ADGRG6: variants seen among roughly 807,000 people sequenced by gnomAD.
ADGRG6 encodes the protein G-protein coupled receptor 126.
In ADGRG6, 84 loss-of-function variants were observed where a neutral mutation model predicts 142.4. The ratio of observed to expected loss-of-function variants is 0.59; its 90% CI spans 0.49 to 0.71. ADGRG6 has a LOEUF of 0.71. Among genes scored for constraint, ADGRG6 ranks in the 30% least tolerant of loss-of-function variants. The pLI, the probability that ADGRG6 is intolerant of heterozygous loss-of-function variation, is 0.00. For missense variants in ADGRG6, 1,367 were observed against 1,466.6 expected (o/e 0.93, Z 1.11); for synonymous variants, 521 against 520.5 (o/e 1.00, Z -0.01).
At chr6:142,343,530 G>A (rs1204920234) in intron 2 of ADGRG6, among the ~76,000 whole-genome samples, 2 of 151,660 alleles carry the variant, frequency 1.3e-5, no homozygotes, top group Non-Finnish European at 3.0e-5. Flanking sequence ...ACAGTATTTA[G>A]AGATACATCT....
chr6:142,392,239 G>A (rs1774932071), intron 7 of ADGRG6, among the ~76,000 whole-genome samples: 1 of 151,820 alleles, frequency 6.6e-6, no homozygotes, highest in African/African-American at 2.4e-5. Context: ...TATGTAAATA[G>A]GAGTCTCTCA....
intron 10 of ADGRG6, among the ~76,000 whole-genome samples, chr6:142,399,078 A>C (rs373746881): frequency 9.7e-4 from 148 of 152,322 alleles, no homozygotes; most frequent in African/African-American, 3.5e-3. Flanking sequence ...AATTGTTTTA[A>C]TGTTATTCTA....
rs2115054178 is a variant in ADGRG6, at chr6:142,411,385, C to T, written c.2515C>T (p.His839Tyr). ...AAGTGAGACAGTCTGCCTGTGTAAC[C>T]ACTTCACACACTTTGGAGTTCTGAT... ...DASETVCLCN[H>Y]FTHFGVLMDL... The change falls in exon 18 of 25, where the codon CAC becomes TAC. Residue 839 changes from histidine to tyrosine, a missense_variant. Physicochemically the swap from His to Tyr is moderately conservative, Grantham distance 83. Coordinates refer to ENST00000367609, the MANE Select transcript of ADGRG6 (RefSeq NM_198569.3). 1 of 1,590,910 alleles carries T rather than the reference C, an allele frequency of 6.3e-7. No homozygotes were observed. The highest frequency in any genetic ancestry group is 2.2e-5 in the East Asian group (1 of 44,766).
intron 13 of ADGRG6, 46 bp from the exon 14 acceptor site, chr6:142,403,756 A>G: frequency 5.8e-6 from 7 of 1,217,164 alleles, no homozygotes; most frequent in Non-Finnish European, 6.9e-6. Context: ...TTAAGAATCT[A>G]AAATATCATA....
At chr6:142,409,044 G>T (rs1775955693) in intron 16 of ADGRG6, among the ~76,000 whole-genome samples, 2 of 152,086 alleles carry the variant, frequency 1.3e-5, no homozygotes, top group Non-Finnish European at 2.9e-5. Context: ...TAATATAAAT[G>T]TATCATCTTA....
intron 2 of ADGRG6, among the ~76,000 whole-genome samples, chr6:142,330,488 A>G (rs1361257612): frequency 6.6e-6 from 1 of 152,206 alleles, no homozygotes; most frequent in African/African-American, 2.4e-5. Flanking sequence ...CATGAAAACC[A>G]TATTAAGGAA....
At position 142,419,934 on chromosome 6, in the gene ADGRG6, GGAATGGCAA is replaced by G; in HGVS notation, c.3152_3160del (p.Asn1051_Lys1053del). 6.2e-7 allele frequency: 1 copy of G among 1,613,392 alleles called. No individual in the cohort carries two copies. Among genetic ancestry groups the G allele is most frequent in the Non-Finnish European group, 8.5e-7 (1 of 1,179,566 alleles). On this transcript the variant is annotated inframe_deletion, in exon 22 of 25. Coordinates refer to ENST00000367609, the MANE Select transcript of ADGRG6 (RefSeq NM_198569.3). ...GTGGTAATGGTGCAGATCTGTGGGAGGAATGGCAAGAGAAGCAACCGGACCCTGAGAGAA... is the reference window on the plus strand; with the variant it reads ...GTGGTAATGGTGCAGATCTGTGGGAGGAGAAGCAACCGGACCCTGAGAGAA...
chr6:142,431,927 C>T (rs962533156), intron 22 of ADGRG6, among the ~76,000 whole-genome samples: 2 of 151,864 alleles, frequency 1.3e-5, no homozygotes, highest in Non-Finnish European at 2.9e-5. Context: ...CATCTCGAAA[C>T]AAAAGAAAGA....
At chr6:142,307,817 A>T (rs774878488) in intron 1 of ADGRG6, among the ~76,000 whole-genome samples, 1 of 152,064 alleles carries the variant, frequency 6.6e-6, no homozygotes, top group African/African-American at 2.4e-5. Context: ...ATACTCTTCA[A>T]ATCTTAACCT....
chr6:142,408,725 T>C (rs1293494122), intron 16 of ADGRG6, among the ~76,000 whole-genome samples: 2 of 152,168 alleles, frequency 1.3e-5, no homozygotes, highest in Non-Finnish European at 2.9e-5. Context: ...ATGTTGCTTT[T>C]CTTGTTGCTT....
intron 4 of ADGRG6, among the ~76,000 whole-genome samples, chr6:142,379,273 G>A (rs1045501780): frequency 2.6e-5 from 4 of 152,094 alleles, no homozygotes; most frequent in African/African-American, 4.8e-5. Flanking sequence ...GTTGCTAAAT[G>A]TTATGCATTC....
At chr6:142,354,476 T>G (rs1343776785) in intron 2 of ADGRG6, among the ~76,000 whole-genome samples, 2 of 152,230 alleles carry the variant, frequency 1.3e-5, no homozygotes, top group Non-Finnish European at 2.9e-5. Context: ...AAGTCTTCTA[T>G]GAAATCATTT....
chr6:142,307,311 G>C (rs1203526380), intron 1 of ADGRG6, among the ~76,000 whole-genome samples: 1 of 152,034 alleles, frequency 6.6e-6, no homozygotes, highest in African/African-American at 2.4e-5. Flanking sequence ...GGTTTGATTG[G>C]TCTGTCTCTT....
intron 22 of ADGRG6, among the ~76,000 whole-genome samples, chr6:142,421,013 G>C (rs1249022874): frequency 1.3e-5 from 2 of 152,110 alleles, no homozygotes; most frequent in Non-Finnish European, 2.9e-5. Context: ...GATGTCTGGG[G>C]AAGAAATTGC....
chr6:142,371,721 G>A (rs532621524), intron 4 of ADGRG6, among the ~76,000 whole-genome samples: 22 of 151,982 alleles, frequency 1.4e-4, no homozygotes, highest in African/African-American at 3.1e-4. Flanking sequence ...TCCTGACCTC[G>A]TGATCGGCCC....
intron 2 of ADGRG6, among the ~76,000 whole-genome samples, chr6:142,360,537 G>A (rs1241794637): frequency 6.6e-6 from 1 of 152,124 alleles, no homozygotes. Context: ...CAGGCCACAA[G>A]GAACAGCTCC....
At chr6:142,426,356 G>T (rs115229565) in intron 22 of ADGRG6, among the ~76,000 whole-genome samples, 5,980 of 152,266 alleles carry the variant, frequency 0.039, 240 homozygotes, top group Middle Eastern at 0.11. Context: ...TGCAAGTCCA[G>T]AATCCAGCAG....
chr6:142,441,012 G>A (rs1777734047), intron 24 of ADGRG6: 1 of 783,342 alleles, frequency 1.3e-6, no homozygotes, highest in African/African-American at 1.8e-5. Context: ...AAGAGAATAT[G>A]TGCATGGATT....
intron 3 of ADGRG6, among the ~76,000 whole-genome samples, chr6:142,369,698 A>G (rs1252277707): frequency 3.3e-5 from 5 of 152,242 alleles, no homozygotes; most frequent in Admixed American, 3.3e-4. Flanking sequence ...GGGAGATGGC[A>G]GTACAGGAAT....
Sources: gnomAD v4.1 joint callset for allele counts (sites outside exome capture counted in the v4.1 genomes callset) on GRCh38, gnomAD v4.1.1 for gene constraint, MANE v1.5 for transcripts, NCBI Gene and HGNC (gene_info 2026-07-23, HGNC 2026-07-21) for gene names.